AUTS2: variants seen among roughly 807,000 people sequenced by gnomAD.
The protein encoded by AUTS2 is autism susceptibility gene 2 protein.
A neutral mutation model predicts 112.4 loss-of-function variants in AUTS2; 17 were observed. That is an observed-to-expected ratio of 0.15 (90% CI 0.10 to 0.23). The LOEUF is 0.23. AUTS2 is among the 10% of genes least tolerant of loss of function. AUTS2 has a pLI of 1.00. For synonymous variants in AUTS2, 751 were observed against 702.7 expected, an observed-to-expected ratio of 1.07 and a Z score of -1.09; for missense variants, 1,510 against 1,701.6, an observed-to-expected ratio of 0.89 and a Z score of 1.98.
intron 5 of AUTS2, among the ~76,000 whole-genome samples, chr7:70,556,137 C>T (rs994971147): frequency 5.3e-5 from 8 of 152,010 alleles, no homozygotes; most frequent in African/African-American, 1.9e-4. Flanking sequence ...GAAGGCAAAG[C>T]GGGGGTAGGC....
chr7:70,020,401 T>A (rs892769779), intron 2 of AUTS2, among the ~76,000 whole-genome samples: 1 of 152,196 alleles, frequency 6.6e-6, no homozygotes, highest in Admixed American at 6.5e-5. Context: ...GTTACCTATT[T>A]TTGATGGACT....
intron 5 of AUTS2, among the ~76,000 whole-genome samples, chr7:70,677,909 C>G (rs1040782521): frequency 2.0e-5 from 3 of 152,068 alleles, no homozygotes; most frequent in African/African-American, 7.2e-5. Context: ...CCATGAAACC[C>G]CGTCTCTACT....
At chr7:70,617,405 G>A (rs971725426) in intron 5 of AUTS2, among the ~76,000 whole-genome samples, 1 of 152,184 alleles carries the variant, frequency 6.6e-6, no homozygotes, top group Non-Finnish European at 1.5e-5. Context: ...GCTCATGCCT[G>A]TAATCCCAGC....
At chr7:70,728,643 G>A (rs1293660836) in intron 6 of AUTS2, among the ~76,000 whole-genome samples, 3 of 150,198 alleles carry the variant, frequency 2.0e-5, no homozygotes, top group East Asian at 2.0e-4. Context: ...GGGAGGCGGA[G>A]GTTGCAGTGA....
At chr7:70,568,247 G>T (rs758343414) in intron 5 of AUTS2, among the ~76,000 whole-genome samples, 4 of 152,162 alleles carry the variant, frequency 2.6e-5, no homozygotes, top group Non-Finnish European at 5.9e-5. Flanking sequence ...TAGCTGTGGA[G>T]CCAGCCTGCC....
intron 2 of AUTS2, among the ~76,000 whole-genome samples, chr7:70,007,752 T>C (rs1799610777): frequency 6.6e-6 from 1 of 152,226 alleles, no homozygotes; most frequent in African/African-American, 2.4e-5. Flanking sequence ...TCTTCAAAGC[T>C]CATGCTGTTT....
chr7:69,653,618 T>C (rs1281966266), intron 1 of AUTS2, among the ~76,000 whole-genome samples: 1 of 151,798 alleles, frequency 6.6e-6, no homozygotes, highest in Admixed American at 6.6e-5. Flanking sequence ...TGCATGCATG[T>C]GCCCACATAA....
At chr7:70,661,954 C>T (rs77642237) in intron 5 of AUTS2, among the ~76,000 whole-genome samples, 16 of 152,218 alleles carry the variant, frequency 1.1e-4, no homozygotes, top group East Asian at 5.8e-4. Flanking sequence ...TGCCCAGTAA[C>T]GCCTTCCTTT....
intron 5 of AUTS2, among the ~76,000 whole-genome samples, chr7:70,470,845 T>C (rs917587301): frequency 1.2e-4 from 18 of 152,028 alleles, no homozygotes; most frequent in Non-Finnish European, 2.9e-5. Flanking sequence ...ACAAAGGGCA[T>C]TGTCTAGTAG....
At chr7:70,511,216 G>T (rs1003616081) in intron 5 of AUTS2, among the ~76,000 whole-genome samples, 4 of 152,016 alleles carry the variant, frequency 2.6e-5, no homozygotes, top group Non-Finnish European at 5.9e-5. Context: ...GAGTATAAAG[G>T]GGTCCTGAGG....
chr7:69,642,846 T>A (rs1419913335), intron 1 of AUTS2, among the ~76,000 whole-genome samples: 3 of 152,208 alleles, frequency 2.0e-5, no homozygotes, highest in Non-Finnish European at 2.9e-5. Context: ...GTATTGGTTA[T>A]CAATTGATAT....
At chr7:69,860,399 T>C (rs959470885) in intron 1 of AUTS2, among the ~76,000 whole-genome samples, 1 of 152,180 alleles carries the variant, frequency 6.6e-6, no homozygotes, top group Non-Finnish European at 1.5e-5. Flanking sequence ...CAATCAAATG[T>C]ACTCATCTTA....
At chr7:70,034,634 G>A (rs1427990708) in intron 2 of AUTS2, among the ~76,000 whole-genome samples, 1 of 152,124 alleles carries the variant, frequency 6.6e-6, no homozygotes, top group Admixed American at 6.5e-5. Flanking sequence ...TAGTATCACT[G>A]TCTTGTTCTA....
chr7:69,887,701 T>C (rs566773842), intron 1 of AUTS2, among the ~76,000 whole-genome samples: 11 of 152,246 alleles, frequency 7.2e-5, no homozygotes, highest in South Asian at 2.1e-4. Context: ...AAGATCTGAA[T>C]AGATTTTCAC....
In AUTS2 at chr7:70,059,841, TTA is replaced by T. The variant is rs151335805; in HGVS notation, c.523-58289_523-58288del. Among the ~76,000 whole-genome samples, 36 of 152,308 alleles carry T rather than the reference TTA, an allele frequency of 2.4e-4. 1 individual carries two copies. In the East Asian group the frequency reaches 7.0e-3, roughly 29 times the overall value. On this transcript the variant is annotated intron_variant, in intron 2 of 18. Coordinates refer to ENST00000342771, the MANE Select transcript of AUTS2 (RefSeq NM_015570.4). ...GGAAGTGATAAGTAATGTCACTCAT[TTA>T]TTTAAGCAGCTAGTCAAGCTCGCTT... is the stretch of plus-strand genomic sequence containing the variant.
At chr7:70,677,242 A>G in intron 5 of AUTS2, among the ~76,000 whole-genome samples, 1 of 152,064 alleles carries the variant, frequency 6.6e-6, no homozygotes, top group South Asian at 2.1e-4. Context: ...TTTTCTTTTC[A>G]CGCCACGACA....
At chr7:70,666,972 TA>T (rs5884791) in intron 5 of AUTS2, among the ~76,000 whole-genome samples, 59,108 of 135,594 alleles carry the variant, frequency 0.44, 12,813 homozygotes, top group East Asian at 0.55. Context: ...GCCGTCTTCT[TA>T]AAAAAAAAAA....
chr7:70,053,544 G>GGTTTTTTTTTTTTTTTTTTTTTT (rs1801848925), intron 2 of AUTS2, among the ~76,000 whole-genome samples: 1 of 127,848 alleles, frequency 7.8e-6, no homozygotes, highest in South Asian at 2.4e-4. Context: ...GTTTTGGGTG[G>GGTTTTTTTTTTTTTTTTTTTTTT]TTTTTTTTTT....
chr7:70,768,193 C>A, intron 10 of AUTS2, 125 bp downstream of exon 10: 1 of 900,478 alleles, frequency 1.1e-6, no homozygotes, highest in Non-Finnish European at 1.7e-6. Flanking sequence ...CATTGCTCCT[C>A]GCCACTTTGG....
Sources: gnomAD v4.1 joint callset for allele counts (sites outside exome capture counted in the v4.1 genomes callset) on GRCh38, gnomAD v4.1.1 for gene constraint, MANE v1.5 for transcripts, NCBI Gene and HGNC (gene_info 2026-07-23, HGNC 2026-07-21) for gene names.